Variants in EPHA4 observed in about 807,000 individuals in gnomAD.
EPHA4 encodes ephrin type-A receptor 4.
Under a neutral mutation model 108.3 loss-of-function variants are expected in EPHA4, and 19 were observed. The ratio of observed to expected loss-of-function variants is 0.18; its 90% CI spans 0.12 to 0.26. The LOEUF is 0.26. Ranked by LOEUF, EPHA4 falls within the 10% of genes least tolerant of loss-of-function variation. EPHA4 has a pLI of 1.00. For synonymous variants in EPHA4, 449 were observed against 455.5 expected (o/e 0.99, Z 0.18); for missense variants, 917 against 1,254.0 (o/e 0.73, Z 4.06).
Position 221,564,289 on chromosome 2 carries a change from T to C in EPHA4, c.265A>G (p.Ile89Val). 6.2e-7 allele frequency: 1 copy of C among 1,614,166 alleles called. No individual in the cohort carries two copies. The change falls in exon 3 of 18, where the codon ATC (isoleucine) becomes GTC (valine). Residue 89 changes from isoleucine to valine, a missense_variant. By Grantham distance (29) the Ile-to-Val change is conservative. This residue lies in a region of EPHA4 where 758 missense variants were observed against 1,076.7 expected (regional missense o/e 0.70). Coordinates refer to ENST00000281821, the MANE Select transcript of EPHA4 (RefSeq NM_004438.5). ...SQNNWLRTDW[I>V]TREGAQRVYI... ...ACCCTCTGAGCCCCTTCTCGGGTGA[T>C]CCAATCAGTTCGTAGCCAGTTATTC...
chr2:221,456,033 T>C (rs1205192778), intron 7 of EPHA4, among the ~76,000 whole-genome samples: 1 of 152,194 alleles, frequency 6.6e-6, no homozygotes, highest in African/African-American at 2.4e-5. Context: ...CCAATTTGGG[T>C]TCATTGATTA....
intron 4 of EPHA4, among the ~76,000 whole-genome samples, chr2:221,496,390 A>T (rs1412150116): frequency 6.6e-6 from 1 of 152,162 alleles, no homozygotes; most frequent in Non-Finnish European, 1.5e-5. Context: ...GCCACGTGTC[A>T]AGTGTCTACA....
chr2:221,459,167 GC>G (rs1263361963), intron 5 of EPHA4, among the ~76,000 whole-genome samples: 2 of 152,140 alleles, frequency 1.3e-5, no homozygotes, highest in East Asian at 3.9e-4. Context: ...TGGCAGGGAA[GC>G]CAAGCAGACA....
At chr2:221,561,325 T>A (rs1057344678) in intron 3 of EPHA4, among the ~76,000 whole-genome samples, 2 of 152,146 alleles carry the variant, frequency 1.3e-5, no homozygotes, top group African/African-American at 4.8e-5. Context: ...CTTACCTAAC[T>A]ACATCAGAAA....
intron 3 of EPHA4, among the ~76,000 whole-genome samples, chr2:221,541,061 C>T (rs1289985799): frequency 6.6e-6 from 1 of 151,842 alleles, no homozygotes; most frequent in Non-Finnish European, 1.5e-5. Flanking sequence ...AGCCTCCCGC[C>T]TCAGCCTCCT....
intron 4 of EPHA4, among the ~76,000 whole-genome samples, chr2:221,487,826 T>G (rs143011279): frequency 1.3e-5 from 2 of 152,300 alleles, no homozygotes; most frequent in African/African-American, 4.8e-5. Context: ...ATTCTCTCTG[T>G]GCCTGCACCC....
chr2:221,483,500 T>TTGTGTGTGTGTGTGTGTGTGTGTG (rs58143142), intron 4 of EPHA4, among the ~76,000 whole-genome samples: 3 of 143,708 alleles, frequency 2.1e-5, no homozygotes, highest in Admixed American at 6.9e-5. Context: ...TGATGTAGAT[T>TTGTGTGTGTGTGTGTGTGTGTGTG]TGTGTGTGTG....
chr2:221,548,128 G>A (rs567235517), intron 3 of EPHA4, among the ~76,000 whole-genome samples: 1 of 152,252 alleles, frequency 6.6e-6, no homozygotes, highest in East Asian at 1.9e-4. Context: ...GAATGGGTTA[G>A]CACCATCCTC....
At chr2:221,522,796 T>A (rs1693210102) in intron 3 of EPHA4, among the ~76,000 whole-genome samples, 1 of 151,426 alleles carries the variant, frequency 6.6e-6, no homozygotes, top group African/African-American at 2.4e-5. Flanking sequence ...GGAGTCTCCC[T>A]CAGTTGCCCA....
intron 1 of EPHA4, among the ~76,000 whole-genome samples, chr2:221,570,858 C>T (rs949107687): frequency 6.6e-6 from 1 of 150,656 alleles, no homozygotes; most frequent in African/African-American, 2.4e-5. Context: ...TGGATGGATG[C>T]ATGGACGGAC....
At chr2:221,480,154 CAT>C (rs1691776654) in intron 5 of EPHA4, among the ~76,000 whole-genome samples, 1 of 143,736 alleles carries the variant, frequency 7.0e-6, no homozygotes, top group Non-Finnish European at 1.5e-5. Flanking sequence ...TAGGTGTTGA[CAT>C]AACTTCTTGG....
chr2:221,444,312 T>C lies in EPHA4; in HGVS notation c.1775-706A>G, dbSNP rs551362785. Among the ~76,000 whole-genome samples the C allele has an allele frequency of 2.4e-3, 373 of 152,262 alleles. 2 individuals carry two copies. Among genetic ancestry groups the C allele is most frequent in the African/African-American group, 8.4e-3 (347 of 41,544 alleles). On this transcript the variant is annotated intron_variant, in intron 9 of 17. Transcript: ENST00000281821. Reference sequence around the variant, plus strand: ...ATACTACCCATAAACTAAATTTAGATGTGTTTGCCGGCAGCCCAGTGACAG... The same window carrying C: ...ATACTACCCATAAACTAAATTTAGACGTGTTTGCCGGCAGCCCAGTGACAG...
At chr2:221,450,625 C>T (rs73994258) in intron 8 of EPHA4, among the ~76,000 whole-genome samples, 6,036 of 152,212 alleles carry the variant, frequency 0.04, 383 homozygotes, top group African/African-American at 0.14. Flanking sequence ...TTTGTTTAAT[C>T]TCTTTAGGCC....
At chr2:221,470,584 T>G (rs1691451116) in intron 5 of EPHA4, among the ~76,000 whole-genome samples, 2 of 80,360 alleles carry the variant, frequency 2.5e-5, no homozygotes, top group African/African-American at 1.1e-4. Context: ...AACCTCTGCT[T>G]TTCCCTAAAG....
At position 221,486,463 on chromosome 2, in the gene EPHA4, G is replaced by A. The variant is rs548112647; in HGVS notation, c.980-3773C>T. 2.6e-5 allele frequency among the ~76,000 whole-genome samples: 4 copies of A among 152,212 alleles called. No homozygotes were observed. The South Asian group carries it at 8.3e-4, about 32-fold the overall frequency. On this transcript the variant is annotated intron_variant, in intron 4 of 17. Coordinates refer to ENST00000281821, the MANE Select transcript of EPHA4 (RefSeq NM_004438.5). ...ATTGATGTCTTGGCCGGGCACAGTG[G>A]CTCACGCCTATAATCCCAGCACTTT...
intron 14 of EPHA4, among the ~76,000 whole-genome samples, chr2:221,433,485 T>C (rs1327929008): frequency 6.6e-6 from 1 of 152,192 alleles, no homozygotes; most frequent in Non-Finnish European, 1.5e-5. Context: ...GACCCCTTGA[T>C]CAATGCTTTC....
intron 5 of EPHA4, among the ~76,000 whole-genome samples, chr2:221,458,674 AG>A (rs1236865538): frequency 6.6e-6 from 1 of 152,164 alleles, no homozygotes; most frequent in Non-Finnish European, 1.5e-5. Context: ...AAGGACACAA[AG>A]GCAGCCCTCT....
intron 12 of EPHA4, 84 bp from the exon 13 acceptor site, chr2:221,436,692 TG>T: frequency 7.3e-7 from 1 of 1,369,884 alleles, no homozygotes. Context: ...TGAATCTTTT[TG>T]GGTATCTGTA....
intron 5 of EPHA4, among the ~76,000 whole-genome samples, chr2:221,465,610 G>A (rs1416350644): frequency 6.6e-6 from 1 of 152,098 alleles, no homozygotes; most frequent in Non-Finnish European, 1.5e-5. Context: ...ATGTGACTGA[G>A]TTTTGGGTAA....
Sources: gnomAD v4.1 joint callset for allele counts (sites outside exome capture counted in the v4.1 genomes callset) on GRCh38, gnomAD v4.1.1 for gene constraint, gnomAD v4.1.1 regional missense constraint, MANE v1.5 for transcripts, NCBI Gene and HGNC (gene_info 2026-07-23, HGNC 2026-07-21) for gene names.